HIBADH: variants seen among roughly 807,000 people sequenced by gnomAD.
HIBADH encodes the protein 3-hydroxyisobutyrate dehydrogenase, also known as 3-hydroxyisobutyrate dehydrogenase, mitochondrial.
In HIBADH, 25 loss-of-function variants were observed where a neutral mutation model predicts 36.1. The ratio of observed to expected loss-of-function variants is 0.69; its 90% confidence interval spans 0.50 to 0.97. The LOEUF is 0.97. Among genes scored for constraint, HIBADH ranks in the 50% least tolerant of loss-of-function variants. The probability of loss-of-function intolerance (pLI) is 0.00; values close to 1 mark genes in which losing one functional copy is unlikely to be tolerated. For missense variants in HIBADH, 421 were observed against 418.0 expected (o/e 1.01, Z -0.06); for synonymous variants, 160 against 149.5 (o/e 1.07, Z -0.51).
intron 7 of HIBADH, among the ~76,000 whole-genome samples, chr7:27,528,099 T>TG (rs544215400): frequency 4.0e-5 from 6 of 151,842 alleles, no homozygotes; most frequent in Non-Finnish European, 8.8e-5. Context: ...GAAACTGTTT[T>TG]GGGGTGTCAG....
intron 3 of HIBADH, among the ~76,000 whole-genome samples, chr7:27,631,172 T>C (rs1047499084): frequency 6.6e-6 from 1 of 152,214 alleles, no homozygotes; most frequent in Non-Finnish European, 1.5e-5. Flanking sequence ...CAGAAGTTTT[T>C]AGTAACTTTT....
intron 7 of HIBADH, among the ~76,000 whole-genome samples, chr7:27,528,937 A>G (rs1436638128): frequency 1.3e-5 from 2 of 152,232 alleles, no homozygotes; most frequent in Non-Finnish European, 2.9e-5. Flanking sequence ...GGGGACTTGA[A>G]GTTGAAGCCA....
intron 4 of HIBADH, among the ~76,000 whole-genome samples, chr7:27,609,616 T>G (rs1785290466): frequency 6.6e-6 from 1 of 152,190 alleles, no homozygotes; most frequent in Admixed American, 6.5e-5. Flanking sequence ...GATTTGTCCC[T>G]CAAAGTAAGG....
At chr7:27,609,121 A>G (rs1785281852) in intron 4 of HIBADH, among the ~76,000 whole-genome samples, 1 of 152,246 alleles carries the variant, frequency 6.6e-6, no homozygotes, top group Non-Finnish European at 1.5e-5. Context: ...ACTAACAATA[A>G]ATAATGAGAG....
chr7:27,649,384 G>C (rs1786136155), intron 2 of HIBADH, 89 bp downstream of exon 2: 1 of 968,862 alleles, frequency 1.0e-6, no homozygotes, highest in South Asian at 2.0e-5. Context: ...AACTCCATTG[G>C]GTATACTTCT....
At chr7:27,588,207 C>A (rs1202211154) in intron 4 of HIBADH, among the ~76,000 whole-genome samples, 1 of 152,130 alleles carries the variant, frequency 6.6e-6, no homozygotes, top group East Asian at 1.9e-4. Flanking sequence ...AGCTTATGGA[C>A]AATGGAGGGT....
At chr7:27,656,047 T>C (rs1014592884) in intron 1 of HIBADH, among the ~76,000 whole-genome samples, 2 of 152,122 alleles carry the variant, frequency 1.3e-5, no homozygotes, top group Non-Finnish European at 2.9e-5. Flanking sequence ...ATACTACACA[T>C]GAGGGGCCAG....
chr7:27,639,913 T>A (rs888334666), intron 2 of HIBADH, among the ~76,000 whole-genome samples: 6 of 152,102 alleles, frequency 3.9e-5, no homozygotes, highest in African/African-American at 1.4e-4. Flanking sequence ...TCCCTAATAA[T>A]CCACGTACAG....
In HIBADH at chr7:27,531,278, T is replaced by A. The variant is rs1220458356; in HGVS notation, c.766A>T (p.Thr256Ser). ...MSSGRCWSSD[T>S]YNPVPGVMDG... ...ATCACTCCAGGTACAGGATTATAAG[T>A]GTCACTTGACCAACACCGTCCTGAG... Residue 256 changes from threonine to serine, a missense_variant, in exon 7 of 8, where the codon ACT becomes TCT. Thr to Ser is a moderately conservative substitution (Grantham distance 58). Coordinates refer to ENST00000265395, the MANE Select transcript of HIBADH (RefSeq NM_152740.4). The A allele has an allele frequency of 4.3e-6, 7 of 1,614,042 alleles. No individual in the cohort carries two copies. The highest frequency in any genetic ancestry group is 5.9e-6 in the Non-Finnish European group (7 of 1,179,942).
chr7:27,568,618 C>T (rs372108593), intron 4 of HIBADH, among the ~76,000 whole-genome samples: 3 of 152,072 alleles, frequency 2.0e-5, no homozygotes, highest in African/African-American at 7.2e-5. Context: ...CCACCAGGCC[C>T]AGCTAATTTT....
chr7:27,568,457 T>G (rs1784579770), intron 4 of HIBADH, among the ~76,000 whole-genome samples: 1 of 152,034 alleles, frequency 6.6e-6, no homozygotes, highest in South Asian at 2.1e-4. Context: ...TTTCTTTAAA[T>G]AGCCTTTTAT....
chr7:27,592,353 G>T (rs771372656), intron 4 of HIBADH, among the ~76,000 whole-genome samples: 3 of 152,168 alleles, frequency 2.0e-5, no homozygotes, highest in Non-Finnish European at 2.9e-5. Flanking sequence ...TTTGCTGGAT[G>T]AAAGAATGTT....
intron 7 of HIBADH, among the ~76,000 whole-genome samples, chr7:27,529,028 C>G (rs575444878): frequency 1.2e-4 from 18 of 152,276 alleles, no homozygotes; most frequent in Admixed American, 3.9e-4. Flanking sequence ...CCAAATGGAA[C>G]AGCAAAGTCT....
chr7:27,585,333 G>A (rs2128288113), intron 4 of HIBADH, among the ~76,000 whole-genome samples: 2 of 152,172 alleles, frequency 1.3e-5, no homozygotes, highest in South Asian at 4.1e-4. Context: ...CTACCAAACT[G>A]TTCTCTGAGT....
intron 4 of HIBADH, among the ~76,000 whole-genome samples, chr7:27,579,667 G>A (rs1057105571): frequency 5.9e-5 from 9 of 152,302 alleles, no homozygotes; most frequent in African/African-American, 2.2e-4. Context: ...TGTGCTTTCT[G>A]TCTCTAGTGG....
chr7:27,552,514 C>T (rs1194371679), intron 4 of HIBADH, among the ~76,000 whole-genome samples: 1 of 152,180 alleles, frequency 6.6e-6, no homozygotes, highest in Non-Finnish European at 1.5e-5. Flanking sequence ...TGTTTGGGAT[C>T]ATTTCCTCCC....
intron 4 of HIBADH, among the ~76,000 whole-genome samples, chr7:27,584,265 G>A: frequency 6.6e-6 from 1 of 151,886 alleles, no homozygotes; most frequent in East Asian, 1.9e-4. Flanking sequence ...CTTTTATCTA[G>A]GCATAATTTG....
intron 2 of HIBADH, among the ~76,000 whole-genome samples, chr7:27,645,368 A>ATGGTTTTTTTTT (rs1554300959): frequency 8.4e-5 from 5 of 59,652 alleles, no homozygotes; most frequent in African/African-American, 3.2e-4. Flanking sequence ...CATGGTTTTG[A>ATGGTTTTTTTTT]TTTTTTTTTT....
chr7:27,542,526 G>A (rs1784169486), intron 5 of HIBADH, among the ~76,000 whole-genome samples: 1 of 131,646 alleles, frequency 7.6e-6, no homozygotes, highest in South Asian at 2.5e-4. Flanking sequence ...GCTCACTGCA[G>A]CCTCAATCCC....
Sources: allele counts gnomAD v4.1 joint callset (sites outside exome capture counted in the v4.1 genomes callset), GRCh38; gene constraint gnomAD v4.1.1; transcripts MANE v1.5; gene names NCBI Gene and HGNC (gene_info 2026-07-23, HGNC 2026-07-21).